Variants in MACO1 observed in about 807,000 individuals in gnomAD.
The protein encoded by MACO1 is macoilin.
In MACO1, 14 loss-of-function variants were observed where a neutral mutation model predicts 78.7. The ratio of observed to expected loss-of-function variants is 0.18; its 90% CI spans 0.12 to 0.28. MACO1 has a LOEUF of 0.28. Among genes scored for constraint, MACO1 ranks in the 10% least tolerant of loss-of-function variants. MACO1 has a pLI of 1.00. For missense variants in MACO1, 501 were observed against 799.0 expected (o/e 0.63, Z 4.50); for synonymous variants, 288 against 291.6 (o/e 0.99, Z 0.12).
chr1:25,439,260 G>GT (rs1221410186), intron 1 of MACO1, among the ~76,000 whole-genome samples: 1 of 152,010 alleles, frequency 6.6e-6, no homozygotes, highest in Non-Finnish European at 1.5e-5. Context: ...GCCAGGCATG[G>GT]TGGCTCTTGC....
chr1:25,493,046 C>T (rs1161696918), intron 10 of MACO1, among the ~76,000 whole-genome samples: 1 of 152,106 alleles, frequency 6.6e-6, no homozygotes, highest in African/African-American at 2.4e-5. Flanking sequence ...TCAACAGGGA[C>T]TGACAGAGTA....
At chr1:25,492,558 G>A in intron 10 of MACO1, among the ~76,000 whole-genome samples, 1 of 152,072 alleles carries the variant, frequency 6.6e-6, no homozygotes, top group East Asian at 1.9e-4. Context: ...GGGGGTTGTA[G>A]CCTGTGTGAT....
chr1:25,436,191 A>G (rs971506605), intron 1 of MACO1, among the ~76,000 whole-genome samples: 2 of 152,156 alleles, frequency 1.3e-5, no homozygotes, highest in Non-Finnish European at 2.9e-5. Context: ...ATATGCTTGT[A>G]TATATCTCAT....
chr1:25,490,868 A>G (rs1489552450), intron 9 of MACO1, among the ~76,000 whole-genome samples: 1 of 152,216 alleles, frequency 6.6e-6, no homozygotes, highest in Non-Finnish European at 1.5e-5. Context: ...TGTTGGTATT[A>G]TGAGTAATTT....
At chr1:25,496,404 T>C (rs1465151092) in intron 10 of MACO1, among the ~76,000 whole-genome samples, 1 of 152,172 alleles carries the variant, frequency 6.6e-6, no homozygotes, top group Non-Finnish European at 1.5e-5. Flanking sequence ...CACCGCGGTC[T>C]CCCAAAGTGT....
chr1:25,498,549 CA>C lies in MACO1; in HGVS notation c.*84del. ...GTCTCTGGCAGTCAAGATAAAAAAA[CA>C]GTTTCTATTGTATTTTGTGGAACTG... On this transcript the variant is annotated 3_prime_UTR_variant, in exon 11 of 11. Transcript: ENST00000374343. 7.8e-7 allele frequency: 1 copy of C among 1,288,684 alleles called. No homozygotes were observed. The highest frequency in any genetic ancestry group is 1.4e-5 in the South Asian group (1 of 69,708). 79.8% of individuals were successfully genotyped at this position (1,288,684 alleles called of 1,614,324 possible).
At chr1:25,496,371 C>T (rs930241378) in intron 10 of MACO1, among the ~76,000 whole-genome samples, 4 of 152,086 alleles carry the variant, frequency 2.6e-5, no homozygotes, top group African/African-American at 9.7e-5. Context: ...TGGTCTCGAA[C>T]TCCTGGGCTC....
chr1:25,481,465 G>A (rs1348116137), intron 6 of MACO1, among the ~76,000 whole-genome samples: 1 of 152,130 alleles, frequency 6.6e-6, no homozygotes, highest in Non-Finnish European at 1.5e-5. Flanking sequence ...GTAGAACCCT[G>A]ATCCTAAACT....
Position 25,498,286 on chromosome 1 carries a change from G to A in MACO1, c.1815G>A (p.Gln605=), listed in dbSNP as rs1320136487. The change falls in exon 11 of 11, where the codon CAG becomes CAA. Residue 605 remains glutamine (Q), a synonymous_variant. Coordinates refer to ENST00000374343, the MANE Select transcript of MACO1 (RefSeq NM_018202.6). Reference sequence around the variant, plus strand: ...CAGGACAAATCCTTCAGAAAGATCAGGAAATCAAGGACCTAAAACAGAAGA... The same window carrying A: ...CAGGACAAATCCTTCAGAAAGATCAAGAAATCAAGGACCTAAAACAGAAGA... ...IAQGQILQKD[Q]EIKDLKQKIA... is the part of the protein sequence containing the mutation. The A allele has an allele frequency of 1.2e-6, 2 of 1,614,172 alleles. No individual in the cohort carries two copies. Among genetic ancestry groups the A allele is most frequent in the Non-Finnish European group, 1.7e-6 (2 of 1,180,036 alleles).
At chr1:25,444,994 A>G (rs576242066) in intron 1 of MACO1, among the ~76,000 whole-genome samples, 97 of 151,924 alleles carry the variant, frequency 6.4e-4, no homozygotes, top group African/African-American at 2.2e-3. Context: ...AAATGAAACT[A>G]AAAGGTGGGA....
At chr1:25,475,521 C>G (rs1056963930) in intron 6 of MACO1, among the ~76,000 whole-genome samples, 2 of 144,840 alleles carry the variant, frequency 1.4e-5, no homozygotes, top group African/African-American at 5.1e-5. Context: ...CTTGACCAGT[C>G]TGGTCAACAT....
intron 6 of MACO1, among the ~76,000 whole-genome samples, chr1:25,470,861 C>A (rs2043261209): frequency 6.6e-6 from 1 of 151,896 alleles, no homozygotes; most frequent in Non-Finnish European, 1.5e-5. Flanking sequence ...AACCCCATCT[C>A]TACTAAAAAT....
In MACO1 at chr1:25,458,684, A is replaced by C. The variant is rs758892321; in HGVS notation, c.946A>C (p.Thr316Pro). 1 of 1,614,042 alleles carries C rather than the reference A, an allele frequency of 6.2e-7. No individual in the cohort carries two copies. The highest frequency in any genetic ancestry group is 8.5e-7 in the Non-Finnish European group (1 of 1,180,034). The change falls in exon 6 of 11, where the codon ACT (threonine) becomes CCT (proline). Residue 316 changes from threonine to proline, a missense_variant. Thr to Pro is a conservative substitution (Grantham distance 38, BLOSUM62 -1). Transcript: ENST00000374343. The stretch of plus-strand genomic sequence containing the variant: ...AAATCTCTTGAAAGAGGACTCATGC[A>C]CTGCTTCCTCAAAAAATTACAAAAA... ...TENLLKEDSC[T>P]ASSKNYKNAS... is the part of the protein sequence containing the mutation.
At chr1:25,453,208 G>T (rs1334068708) in intron 3 of MACO1, among the ~76,000 whole-genome samples, 1 of 149,154 alleles carries the variant, frequency 6.7e-6, no homozygotes, top group East Asian at 2.0e-4. Context: ...GTTTTGCCAT[G>T]TTGGCCAGGC....
chr1:25,464,668 C>CCA (rs1553165375), intron 6 of MACO1, among the ~76,000 whole-genome samples: 247 of 139,244 alleles, frequency 1.8e-3, no homozygotes, highest in African/African-American at 5.8e-3. Context: ...CCACCCCCCC[C>CCA]CTCCGCGAAA....
chr1:25,447,649 C>T (rs2043027826), intron 2 of MACO1, among the ~76,000 whole-genome samples: 1 of 152,182 alleles, frequency 6.6e-6, no homozygotes, highest in South Asian at 2.1e-4. Context: ...TATCACATGT[C>T]ATGTAACTTA....
chr1:25,431,441 C>A (rs1256811942), intron 1 of MACO1, among the ~76,000 whole-genome samples: 5 of 150,028 alleles, frequency 3.3e-5, no homozygotes, highest in African/African-American at 1.2e-4. Context: ...TTGGAAGCGC[C>A]GGGCCCGCCG....
At chr1:25,461,669 G>C (rs974273359) in intron 6 of MACO1, among the ~76,000 whole-genome samples, 2 of 151,898 alleles carry the variant, frequency 1.3e-5, no homozygotes, top group Admixed American at 6.6e-5. Flanking sequence ...TTTTCATATA[G>C]ATACTATAAA....
chr1:25,484,955 C>T (rs1237616161), intron 7 of MACO1, among the ~76,000 whole-genome samples: 6 of 152,130 alleles, frequency 3.9e-5, no homozygotes, highest in East Asian at 3.8e-4. Flanking sequence ...CTCTGACCAG[C>T]ATTTGTGGTG....
Sources: allele counts gnomAD v4.1 joint callset (sites outside exome capture counted in the v4.1 genomes callset), GRCh38; gene constraint gnomAD v4.1.1; transcripts MANE v1.5; gene names NCBI Gene and HGNC (gene_info 2026-07-23, HGNC 2026-07-21).